SELENOI: variants seen among roughly 807,000 people sequenced by gnomAD.
The protein encoded by SELENOI is selenoprotein I, also known as ethanolaminephosphotransferase 1.
A neutral mutation model predicts 50.7 loss-of-function variants in SELENOI; 24 were observed. That is an observed-to-expected ratio of 0.47 (90% confidence interval 0.34 to 0.67). SELENOI has a LOEUF of 0.67. Among genes scored for constraint, SELENOI ranks in the 30% least tolerant of loss-of-function variants. The probability of loss-of-function intolerance (pLI) is 0.01; values close to 1 mark genes in which losing one functional copy is unlikely to be tolerated. For synonymous variants in SELENOI, 155 were observed against 170.2 expected (o/e 0.91, Z 0.70); for missense variants, 352 against 461.4 (o/e 0.76, Z 2.17).
intron 1 of SELENOI, among the ~76,000 whole-genome samples, chr2:26,352,133 C>G (rs140422454): frequency 1.7e-4 from 26 of 152,192 alleles, no homozygotes; most frequent in Middle Eastern, 3.4e-3. Flanking sequence ...GAGTGAGACC[C>G]TGTCTCAGAG....
At chr2:26,364,978 G>GA (rs753387966) in intron 3 of SELENOI, 38 bp downstream of exon 3, 4 of 1,386,024 alleles carry the variant, frequency 2.9e-6, no homozygotes, top group African/African-American at 1.5e-5. Flanking sequence ...TAACTGAGTA[G>GA]AAAAAAATGA....
intron 1 of SELENOI, among the ~76,000 whole-genome samples, chr2:26,361,011 G>T (rs1677164769): frequency 6.6e-6 from 1 of 152,138 alleles, no homozygotes; most frequent in African/African-American, 2.4e-5. Context: ...TCAGGAGATC[G>T]AGACCATCCT....
chr2:26,348,495 T>G (rs1414518332), intron 1 of SELENOI, among the ~76,000 whole-genome samples: 1 of 152,214 alleles, frequency 6.6e-6, no homozygotes, highest in Non-Finnish European at 1.5e-5. Context: ...GAAATTAGGT[T>G]TCTGAAGCAG....
At chr2:26,387,221 A>G (rs927938285) in intron 9 of SELENOI, among the ~76,000 whole-genome samples, 1 of 152,258 alleles carries the variant, frequency 6.6e-6, no homozygotes, top group Non-Finnish European at 1.5e-5. Flanking sequence ...GAATATAGAT[A>G]TAATGAAATC....
chr2:26,377,758 A>G (rs1257785528), intron 6 of SELENOI, among the ~76,000 whole-genome samples: 1 of 152,096 alleles, frequency 6.6e-6, no homozygotes, highest in Non-Finnish European at 1.5e-5. Flanking sequence ...CTTTGAACAT[A>G]TTTAAAATTG....
At chr2:26,349,742 A>G (rs961723201) in intron 1 of SELENOI, among the ~76,000 whole-genome samples, 4 of 137,064 alleles carry the variant, frequency 2.9e-5, no homozygotes, top group African/African-American at 1.1e-4. Flanking sequence ...ATAGTGTAGC[A>G]GCTACTTTGA....
chr2:26,367,192 C>T lies in SELENOI; in HGVS notation c.282C>T (p.Gly94=), dbSNP rs1677302961. 6.2e-7 allele frequency: 1 copy of T among 1,610,746 alleles called. No homozygotes were observed. The highest frequency in any genetic ancestry group is 8.5e-7 in the Non-Finnish European group (1 of 1,178,484). The change falls in exon 4 of 10, where the codon GGC becomes GGT. Residue 94 remains glycine (G), a synonymous_variant. Transcript: ENST00000260585. ...HVPDWVWIVV[G]ILNFVAYTLD... is the part of the protein sequence containing the mutation. ...CTGACTGGGTTTGGATTGTAGTGGGCATCCTCAACTTCGTAGCCTACACTC... is the reference window on the plus strand; with the variant it reads ...CTGACTGGGTTTGGATTGTAGTGGGTATCCTCAACTTCGTAGCCTACACTC...
chr2:26,354,143 G>A (rs1329467425), intron 1 of SELENOI, among the ~76,000 whole-genome samples: 4 of 152,052 alleles, frequency 2.6e-5, no homozygotes, highest in Non-Finnish European at 4.4e-5. Context: ...AGTGCTTTAT[G>A]TGTATTATCT....
At position 26,394,596 on chromosome 2, in the gene SELENOI, A is replaced by G. The variant is rs1678045961; in HGVS notation, c.*5493A>G. 1 of 152,114 alleles carries G rather than the reference A, an allele frequency of 6.6e-6. No homozygotes were observed. Among genetic ancestry groups the G allele is most frequent in the Non-Finnish European group, 1.5e-5 (1 of 68,008 alleles). The allele number at this position is 152,114 out of a possible 1,614,324, so 9.4% of individuals were successfully genotyped here. Reference sequence around the variant, plus strand: ...TACATGTAATGATATGATCATTTCAAAAATGTGCCAAGAAAGCAAAATTCA... The same window carrying G: ...TACATGTAATGATATGATCATTTCAGAAATGTGCCAAGAAAGCAAAATTCA... On this transcript the variant is annotated 3_prime_UTR_variant, in exon 10 of 10. Transcript: ENST00000260585. This position sits in a 1 kb window ranked among gnomAD's most constrained non-coding sequence, Gnocchi z 4.1.
At chr2:26,363,751 A>G (rs1273165985) in intron 1 of SELENOI, among the ~76,000 whole-genome samples, 2 of 152,040 alleles carry the variant, frequency 1.3e-5, no homozygotes, top group Non-Finnish European at 2.9e-5. Flanking sequence ...TGTATTCTCC[A>G]GGTTATTTTT....
At chr2:26,379,347 AGGT>A (rs1434160176) in intron 6 of SELENOI, among the ~76,000 whole-genome samples, 2 of 152,212 alleles carry the variant, frequency 1.3e-5, no homozygotes, top group Non-Finnish European at 1.5e-5. Flanking sequence ...TGAAGAAAGT[AGGT>A]CATTTGGCCA....
rs935800556 is a variant in SELENOI, at chr2:26,394,174, T to G, written c.*5071T>G. 6.6e-6 allele frequency: 1 copy of G among 152,244 alleles called. No individual in the cohort carries two copies. Among genetic ancestry groups the G allele is most frequent in the African/African-American group, 2.4e-5 (1 of 41,462 alleles). The allele number at this position is 152,244 out of a possible 1,614,324, so 9.4% of individuals were successfully genotyped here. A position where few individuals can be genotyped will look rare whatever the true frequency, so the allele number is the denominator to read the frequency against. ...GGGAAGCCAAGGCAGGTGGATTGCT[T>G]GAGCCCAGGAGTTCGACACCAACCT... On this transcript the variant is annotated 3_prime_UTR_variant, in exon 10 of 10. Transcript: ENST00000260585. This position sits in a 1 kb window ranked among gnomAD's most constrained non-coding sequence, Gnocchi z 4.1.
chr2:26,374,870 A>G (rs571667547), intron 5 of SELENOI, among the ~76,000 whole-genome samples, 170 bp from the exon 6 acceptor site: 1 of 152,306 alleles, frequency 6.6e-6, no homozygotes, highest in Non-Finnish European at 1.5e-5. Context: ...ACGTCCAGCC[A>G]AAAGATTGTA....
chr2:26,348,346 G>C (rs1676858861), intron 1 of SELENOI, among the ~76,000 whole-genome samples: 1 of 152,220 alleles, frequency 6.6e-6, no homozygotes. Flanking sequence ...AAGAAGAACT[G>C]ACACTACAAA....
intron 1 of SELENOI, among the ~76,000 whole-genome samples, chr2:26,350,885 C>A (rs1020879043): frequency 7.9e-5 from 12 of 152,122 alleles, no homozygotes; most frequent in Admixed American, 4.6e-4. Context: ...GGTTTCTGTT[C>A]CTGATAGACC....
intron 1 of SELENOI, among the ~76,000 whole-genome samples, chr2:26,353,525 A>T (rs1192613863): frequency 2.0e-5 from 3 of 152,248 alleles, no homozygotes; most frequent in Non-Finnish European, 4.4e-5. Context: ...TAATTGAAGC[A>T]TAACTTATCT....
chr2:26,379,897 A>G (rs566355334), intron 6 of SELENOI, among the ~76,000 whole-genome samples: 1 of 152,342 alleles, frequency 6.6e-6, no homozygotes, highest in South Asian at 2.1e-4. Context: ...GCTTTATTCC[A>G]TGAACTATTC....
chr2:26,356,069 G>A (rs890450343), intron 1 of SELENOI, among the ~76,000 whole-genome samples: 19 of 152,162 alleles, frequency 1.2e-4, no homozygotes, highest in African/African-American at 4.6e-4. Context: ...CTCAAGTCTT[G>A]TATTGATTAA....
At chr2:26,381,458 C>T (rs904337150) in intron 6 of SELENOI, among the ~76,000 whole-genome samples, 1 of 152,004 alleles carries the variant, frequency 6.6e-6, no homozygotes, top group African/African-American at 2.4e-5. Context: ...TTCTCTTTGG[C>T]AGCCTGTATA....
Sources: gnomAD v4.1 joint callset for allele counts (sites outside exome capture counted in the v4.1 genomes callset) on GRCh38, gnomAD v4.1.1 for gene constraint, Gnocchi (gnomAD v3.1) non-coding constraint, MANE v1.5 for transcripts, NCBI Gene and HGNC (gene_info 2026-07-23, HGNC 2026-07-21) for gene names.